The following SENP6 variants were observed in gnomAD, a reference collection of about 807,000 sequenced individuals.
SENP6 encodes the protein SUMO specific peptidase 6.
In SENP6, 41 loss-of-function variants were observed where a neutral mutation model predicts 134.5. That is an observed-to-expected ratio of 0.30 (90% CI 0.24 to 0.40). SENP6 has a LOEUF of 0.40. Among genes scored for constraint, SENP6 ranks in the 10% least tolerant of loss-of-function variants. The probability of loss-of-function intolerance (pLI) is 1.00; values close to 1 mark genes in which losing one functional copy is unlikely to be tolerated. For missense variants in SENP6, 1,248 were observed against 1,312.5 expected, an observed-to-expected ratio of 0.95 and a Z score of 0.76; for synonymous variants, 395 against 429.8, an observed-to-expected ratio of 0.92 and a Z score of 1.00.
At chr6:75,660,799 T>C (rs1771716279) in intron 8 of SENP6, among the ~76,000 whole-genome samples, 1 of 152,104 alleles carries the variant, frequency 6.6e-6, no homozygotes, top group Non-Finnish European at 1.5e-5. Context: ...ACCCGGCTTA[T>C]TTTTGTATTT....
intron 16 of SENP6, among the ~76,000 whole-genome samples, chr6:75,690,856 T>C (rs1774193234): frequency 1.3e-5 from 2 of 151,058 alleles, no homozygotes; most frequent in Non-Finnish European, 3.0e-5. Context: ...CCACCACACC[T>C]GGCTAATTGT....
At chr6:75,695,707 A>G (rs1393686790) in intron 16 of SENP6, 97 bp from the exon 17 acceptor site, 2 of 1,011,426 alleles carry the variant, frequency 2.0e-6, no homozygotes, top group Middle Eastern at 3.5e-4. Flanking sequence ...ACTGCACTCC[A>G]GCCTGGGCAA....
chr6:75,676,163 TATC>T (rs1773072252), intron 13 of SENP6, 109 bp downstream of exon 13: 1 of 603,240 alleles, frequency 1.7e-6, no homozygotes, highest in African/African-American at 1.9e-5. Flanking sequence ...AGGTGTATAT[TATC>T]TACAATTGTC....
chr6:75,650,101 A>T (rs1770756585), intron 7 of SENP6, among the ~76,000 whole-genome samples: 2 of 152,204 alleles, frequency 1.3e-5, no homozygotes, highest in South Asian at 4.1e-4. Flanking sequence ...TTTGAAGACT[A>T]GTCAGTTGCT....
Position 75,702,792 on chromosome 6 carries a change from G to C in SENP6, c.2436G>C (p.Glu812Asp). Residue 812 changes from glutamate (E) to aspartate (D), a missense_variant, in exon 19 of 24, where the codon GAG becomes GAC. By Grantham distance (45) the Glu-to-Asp change is conservative. Transcript: ENST00000447266. Reference sequence around the variant, plus strand: ...TTTCTTCTTCAGCCAGTGAAATGGAGAGTTGTTCACAAAACTCTTCTGCCA... The same window carrying C: ...TTTCTTCTTCAGCCAGTGAAATGGACAGTTGTTCACAAAACTCTTCTGCCA... The part of the protein sequence containing the change: ...SCISSSASEM[E>D]SCSQNSSAKP... The C allele has an allele frequency of 1.9e-6, 3 of 1,614,106 alleles. No individual in the cohort carries two copies. The highest frequency in any genetic ancestry group is 2.5e-6 in the Non-Finnish European group (3 of 1,180,006).
rs2149813317 is a variant in SENP6 at position 75,601,899 on chromosome 6, G to A, written c.-626G>A. 1 of 152,262 alleles carries A rather than the reference G, an allele frequency of 6.6e-6. No homozygotes were observed. The highest frequency in any genetic ancestry group is 2.4e-5 in the African/African-American group (1 of 41,538). 9.4% of individuals were successfully genotyped at this position (152,262 alleles called of 1,614,324 possible). On this transcript the variant is annotated 5_prime_UTR_variant, in exon 1 of 24. Coordinates refer to ENST00000447266, the MANE Select transcript of SENP6 (RefSeq NM_015571.4). ...AGCGGCAGCGGCGGCGGCTGGAGCT[G>A]CTGTGGCGACCGACGCGAGGCGGTG...
At chr6:75,698,576 C>T (rs1269352264) in intron 18 of SENP6, among the ~76,000 whole-genome samples, 5 of 152,102 alleles carry the variant, frequency 3.3e-5, no homozygotes, top group Non-Finnish European at 5.9e-5. Flanking sequence ...CTCAAGCCAT[C>T]CCCCAACCTC....
chr6:75,702,064 CAAGA>C (rs1229744544), intron 18 of SENP6, among the ~76,000 whole-genome samples: 1 of 151,578 alleles, frequency 6.6e-6, no homozygotes, highest in African/African-American at 2.4e-5. Context: ...ATTCCAAAAA[CAAGA>C]AAGCGTTCAG....
At chr6:75,667,877 T>C (rs1424795211) in intron 10 of SENP6, among the ~76,000 whole-genome samples, 1 of 152,194 alleles carries the variant, frequency 6.6e-6, no homozygotes, top group Non-Finnish European at 1.5e-5. Context: ...CTTATATCAG[T>C]GACTTTTAGG....
chr6:75,639,398 A>G lies in SENP6; in HGVS notation c.459-1286A>G, dbSNP rs549083187. ...TTTTGAAAATTTTTTTTAAATTTGT[A>G]TATTTTTAATGTGTTCATGTAAAAA... is the stretch of plus-strand genomic sequence containing the variant. On this transcript the variant is annotated intron_variant, in intron 5 of 23. Coordinates refer to ENST00000447266, the MANE Select transcript of SENP6 (RefSeq NM_015571.4). 5.9e-5 allele frequency among the ~76,000 whole-genome samples: 9 copies of G among 152,100 alleles called. No homozygotes were observed. In the South Asian group the frequency reaches 1.5e-3, roughly 25 times the overall value.
In SENP6 at chr6:75,677,195, C is replaced by T. The variant is rs1462955342; in HGVS notation, c.1787C>T (p.Thr596Ile). The change falls in exon 14 of 24, where the codon ACA becomes ATA. Residue 596 changes from threonine (T) to isoleucine (I), a missense_variant. This residue lies in a region of SENP6 where 733 missense variants were observed against 725.4 expected (regional missense o/e 1.01). Transcript: ENST00000447266. ...EEANGRLVAC[T>I]RTYEESIKGS... Reference sequence around the variant, plus strand: ...GCTAATGGCAGACTTGTTGCCTGTACAAGAACCTATGAAGAGAGCATCAAA... The same window carrying T: ...GCTAATGGCAGACTTGTTGCCTGTATAAGAACCTATGAAGAGAGCATCAAA... The T allele has an allele frequency of 6.2e-7, 1 of 1,612,112 alleles. No homozygotes were observed. Among genetic ancestry groups the T allele is most frequent in the Non-Finnish European group, 8.5e-7 (1 of 1,178,988 alleles).
chr6:75,612,607 G>A lies in SENP6; in HGVS notation c.53-8925G>A, dbSNP rs570812187. Among the ~76,000 whole-genome samples the A allele has an allele frequency of 4.6e-5, 7 of 152,220 alleles. No homozygotes were observed. In the South Asian group the frequency reaches 1.5e-3, roughly 32 times the overall value. ...AGCCACCCAAAACGCTAGGATTATA[G>A]GTGTGAGCTGTCTGATAACCCCATG... On this transcript the variant is annotated intron_variant, in intron 1 of 23. Transcript: ENST00000447266.
chr6:75,606,078 T>C (rs1314729264), intron 1 of SENP6, among the ~76,000 whole-genome samples: 1 of 152,132 alleles, frequency 6.6e-6, no homozygotes, highest in Non-Finnish European at 1.5e-5. Context: ...TGAGATGGAG[T>C]AGACTGATAG....
intron 10 of SENP6, 90 bp downstream of exon 10, chr6:75,667,031 G>GA (rs1772297349): frequency 1.5e-6 from 1 of 683,346 alleles, no homozygotes; most frequent in Non-Finnish European, 2.4e-6. Flanking sequence ...GTAGTGCCAA[G>GA]AAAAAATGAT....
chr6:75,615,900 T>A (rs939779228), intron 1 of SENP6, among the ~76,000 whole-genome samples: 1 of 152,236 alleles, frequency 6.6e-6, no homozygotes, highest in Non-Finnish European at 1.5e-5. Context: ...ATTAAAAATC[T>A]TCTTTTGCTT....
At chr6:75,661,697 G>T (rs537149106) in intron 8 of SENP6, among the ~76,000 whole-genome samples, 1 of 152,144 alleles carries the variant, frequency 6.6e-6, no homozygotes, top group Non-Finnish European at 1.5e-5. Flanking sequence ...AAGGTTAGTG[G>T]TTTTTTCTTT....
intron 7 of SENP6, among the ~76,000 whole-genome samples, chr6:75,652,569 G>A (rs1770953754): frequency 6.7e-6 from 1 of 150,118 alleles, no homozygotes; most frequent in Admixed American, 6.6e-5. Flanking sequence ...AGGCGCGGTG[G>A]CTCACGCCTG....
intron 10 of SENP6, among the ~76,000 whole-genome samples, chr6:75,667,208 T>G (rs1023488413): frequency 8.5e-5 from 13 of 152,340 alleles, no homozygotes; most frequent in African/African-American, 2.4e-4. Flanking sequence ...CAAAAATTTC[T>G]TATAAAATCT....
intron 19 of SENP6, among the ~76,000 whole-genome samples, chr6:75,706,906 GTTGAC>G (rs2149903485): frequency 6.6e-6 from 1 of 152,294 alleles, no homozygotes; most frequent in African/African-American, 2.4e-5. Context: ...TTATGAAATA[GTTGAC>G]TTGCCATGGT....
Sources: gnomAD v4.1 joint callset for allele counts (sites outside exome capture counted in the v4.1 genomes callset) on GRCh38, gnomAD v4.1.1 for gene constraint, gnomAD v4.1.1 regional missense constraint, MANE v1.5 for transcripts, NCBI Gene and HGNC (gene_info 2026-07-23, HGNC 2026-07-21) for gene names.